The following CAND1 variants were observed in gnomAD, a reference collection of about 807,000 sequenced individuals.
CAND1 encodes cullin associated and neddylation dissociated 1.
Under a neutral mutation model 108.5 loss-of-function variants are expected in CAND1, and 7 were observed. The observed-to-expected ratio is 0.06, with a 90% CI of 0.04 to 0.12. The LOEUF (loss-of-function observed/expected upper bound fraction) is 0.12, where lower values mean the gene tolerates loss of function less well. CAND1 is among the 10% of genes least tolerant of loss of function. CAND1 has a pLI of 1.00. For synonymous variants in CAND1, 534 were observed against 512.0 expected (o/e 1.04, Z -0.58); for missense variants, 941 against 1,448.7 (o/e 0.65, Z 5.69).
At chr12:67,298,169 T>C (rs1163191505) in intron 6 of CAND1, among the ~76,000 whole-genome samples, 19 of 152,186 alleles carry the variant, frequency 1.2e-4, no homozygotes, top group Admixed American at 1.2e-3. Context: ...CAGGATAAAT[T>C]ATTCGTCAGA....
chr12:67,294,779 T>C (rs1272580085), intron 3 of CAND1, among the ~76,000 whole-genome samples: 2 of 152,196 alleles, frequency 1.3e-5, no homozygotes, highest in Non-Finnish European at 2.9e-5. Context: ...TTGAAAGATG[T>C]GTTTTTCTCC....
chr12:67,273,315 G>A (rs865865653), intron 1 of CAND1, among the ~76,000 whole-genome samples: 2 of 152,088 alleles, frequency 1.3e-5, no homozygotes, highest in Admixed American at 6.6e-5. Flanking sequence ...CTCTAGGGAT[G>A]CATGTTCCAT....
Position 67,281,960 on chromosome 12 carries a change from A to G in CAND1, c.119A>G (p.Lys40Arg), listed in dbSNP as rs1462188874. ...ACGGAACTGCAGAAAGATTCCATCA[A>G]GTTGGATGATGATAGTGAAAGGAAA... ...LMTELQKDSI[K>R]LDDDSERKVV... The change falls in exon 2 of 15, where the codon AAG becomes AGG. Residue 40 changes from lysine (K) to arginine (R), a missense_variant. Lys to Arg is a conservative substitution (Grantham distance 26). Around this residue, in one of 9 missense-constraint regions of CAND1, gnomAD observed 44 missense variants for 129.1 expected, o/e 0.34. Transcript: ENST00000545606. The G allele has an allele frequency of 2.5e-6, 4 of 1,610,976 alleles. No individual in the cohort carries two copies. Among genetic ancestry groups the G allele is most frequent in the Non-Finnish European group, 8.5e-7 (1 of 1,177,910 alleles).
intron 2 of CAND1, among the ~76,000 whole-genome samples, chr12:67,285,495 C>G (rs2044662093): frequency 6.6e-6 from 1 of 152,044 alleles, no homozygotes; most frequent in Non-Finnish European, 1.5e-5. Flanking sequence ...AGAACAATTG[C>G]TGAAGGTAGA....
In CAND1 at chr12:67,304,657, A is replaced by C; in HGVS notation, c.1346A>C (p.Lys449Thr). ...LHKQMKEKSV[K>T]TRQCCFNMLT... is the part of the protein sequence containing the mutation. Reference sequence around the variant, plus strand: ...AAACAGATGAAAGAAAAAAGTGTGAAGACCCGACAGTGTTGTTTTAACATG... The same window carrying C: ...AAACAGATGAAAGAAAAAAGTGTGACGACCCGACAGTGTTGTTTTAACATG... The change falls in exon 9 of 15, where the codon AAG becomes ACG. Residue 449 changes from lysine to threonine, a missense_variant. Transcript: ENST00000545606. The C allele has an allele frequency of 1.2e-6, 2 of 1,613,958 alleles. No homozygotes were observed. The highest frequency in any genetic ancestry group is 8.5e-7 in the Non-Finnish European group (1 of 1,179,952).
At chr12:67,312,572 A>G in intron 14 of CAND1, 34 bp from the exon 15 acceptor site, 1 of 1,444,382 alleles carries the variant, frequency 6.9e-7, no homozygotes, top group Non-Finnish European at 9.5e-7. Context: ...GCTGTCTTTT[A>G]TAGCATGTAA....
chr12:67,290,412 G>T (rs2044711849), intron 2 of CAND1, among the ~76,000 whole-genome samples: 1 of 151,918 alleles, frequency 6.6e-6, no homozygotes, highest in African/African-American at 2.4e-5. Context: ...TTGGGAGGCT[G>T]AGGCATGAGA....
At chr12:67,294,117 A>T (rs2044746666) in intron 3 of CAND1, among the ~76,000 whole-genome samples, 1 of 152,230 alleles carries the variant, frequency 6.6e-6, no homozygotes, top group Non-Finnish European at 1.5e-5. Flanking sequence ...TATGTTATTT[A>T]TAATTGTATT....
chr12:67,272,488 A>G (rs1378513728), intron 1 of CAND1, among the ~76,000 whole-genome samples: 3 of 152,234 alleles, frequency 2.0e-5, no homozygotes, highest in Non-Finnish European at 4.4e-5. Context: ...AAAAATTTGG[A>G]AATTTCTGCA....
intron 1 of CAND1, 114 bp downstream of exon 1, chr12:67,269,899 G>A (rs2044501400): frequency 3.7e-6 from 3 of 818,236 alleles, no homozygotes; most frequent in African/African-American, 1.8e-5. Flanking sequence ...TCTCTGCCCC[G>A]AAGTCTCCAG....
chr12:67,269,863 C>G, intron 1 of CAND1, 78 bp downstream of exon 1: 1 of 1,280,108 alleles, frequency 7.8e-7, no homozygotes, highest in South Asian at 1.3e-5. Context: ...GGCCTTGCCC[C>G]ACCCCTTCGG....
intron 2 of CAND1, among the ~76,000 whole-genome samples, chr12:67,287,886 T>G (rs775371339): frequency 2.4e-4 from 35 of 147,974 alleles, no homozygotes; most frequent in Non-Finnish European, 4.6e-4. Flanking sequence ...TTTAGTCCAT[T>G]GGTTATTTAG....
chr12:67,301,367 C>A (rs2044823072), intron 7 of CAND1, among the ~76,000 whole-genome samples: 2 of 152,084 alleles, frequency 1.3e-5, no homozygotes, highest in African/African-American at 4.8e-5. Flanking sequence ...AGTTACTACT[C>A]CGCTCTATTA....
At chr12:67,280,517 T>C (rs2044609836) in intron 1 of CAND1, among the ~76,000 whole-genome samples, 1 of 152,236 alleles carries the variant, frequency 6.6e-6, no homozygotes, top group African/African-American at 2.4e-5. Flanking sequence ...TTACTAAAAC[T>C]GTATCTGGTT....
chr12:67,278,246 C>T (rs811827), intron 1 of CAND1, among the ~76,000 whole-genome samples: 74,478 of 152,024 alleles, frequency 0.49, 19,550 homozygotes, highest in Non-Finnish European at 0.59. Context: ...AAGCGACTGC[C>T]GCCCAGGTTC....
chr12:67,279,783 G>T (rs1047176351), intron 1 of CAND1, among the ~76,000 whole-genome samples: 2 of 152,086 alleles, frequency 1.3e-5, no homozygotes, highest in Non-Finnish European at 2.9e-5. Context: ...ATTTGTGCCG[G>T]TAGAACCATA....
In CAND1 at chr12:67,305,685, G is replaced by A; in HGVS notation, c.2017G>A (p.Ala673Thr). The A allele has an allele frequency of 6.2e-7, 1 of 1,614,022 alleles. No homozygotes were observed. Among genetic ancestry groups the A allele is most frequent in the Non-Finnish European group, 8.5e-7 (1 of 1,179,956 alleles). Residue 673 changes from alanine to threonine, a missense_variant, in exon 10 of 15, where the codon GCC (alanine) becomes ACC (threonine). Physicochemically the swap from Ala to Thr is moderately conservative, Grantham distance 58. Around this residue, in one of 9 missense-constraint regions of CAND1, gnomAD observed 697 missense variants for 942.0 expected, o/e 0.74. Coordinates refer to ENST00000545606, the MANE Select transcript of CAND1 (RefSeq NM_018448.5). This position sits in a 1 kb window ranked among gnomAD's most constrained non-coding sequence, Gnocchi z 4.4. ...AGCTTTGAAACTGGGTACTCTTTCT[G>A]CCCTTGATATTCTAATAAAAAACTA... ...QRALKLGTLS[A>T]LDILIKNYSD...
chr12:67,312,783 C>G lies in CAND1; in HGVS notation c.3646C>G (p.Gln1216Glu), dbSNP rs751195297. Residue 1216 changes from glutamine (Q) to glutamate (E), a missense_variant, in exon 15 of 15, where the codon CAG becomes GAG. Physicochemically the swap from Gln to Glu is conservative, Grantham distance 29. Transcript: ENST00000545606. ...GCTGGCGGCTATCTTTGAAAGTATC[C>G]AGAAAGATTCATCATCTACTAACTT... is the stretch of plus-strand genomic sequence containing the variant. Reference protein sequence around the residue: ...PELAAIFESIQKDSSSTNLES... With the variant: ...PELAAIFESIEKDSSSTNLES... 2 of 1,613,420 alleles carry G rather than the reference C, an allele frequency of 1.2e-6. No homozygotes were observed. Among genetic ancestry groups the G allele is most frequent in the Non-Finnish European group, 1.7e-6 (2 of 1,179,692 alleles).
At chr12:67,280,925 A>G (rs1312378520) in intron 1 of CAND1, among the ~76,000 whole-genome samples, 3 of 152,022 alleles carry the variant, frequency 2.0e-5, no homozygotes, top group African/African-American at 7.2e-5. Flanking sequence ...ACTTTTTAGA[A>G]TCACCTCTTC....
Sources: gnomAD v4.1 joint callset for allele counts (sites outside exome capture counted in the v4.1 genomes callset) on GRCh38, gnomAD v4.1.1 for gene constraint, gnomAD v4.1.1 regional missense constraint, Gnocchi (gnomAD v3.1) non-coding constraint, MANE v1.5 for transcripts, NCBI Gene and HGNC (gene_info 2026-07-23, HGNC 2026-07-21) for gene names.